CYRIB: variants seen among roughly 807,000 people sequenced by gnomAD.
CYRIB encodes the protein CYFIP-related Rac1 interactor B.
A neutral mutation model predicts 44.2 loss-of-function variants in CYRIB; 8 were observed. That is an observed-to-expected ratio of 0.18 (90% CI 0.11 to 0.33). The LOEUF is 0.33. Among genes scored for constraint, CYRIB ranks in the 10% least tolerant of loss-of-function variants. The pLI is 1.00. For synonymous variants in CYRIB, 131 were observed against 127.2 expected (o/e 1.03, Z -0.20); for missense variants, 185 against 382.8 (o/e 0.48, Z 4.31).
intron 4 of CYRIB, among the ~76,000 whole-genome samples, chr8:129,864,189 T>A (rs710616): frequency 0.55 from 84,386 of 152,152 alleles, 23,817 homozygotes; most frequent in African/African-American, 0.65. Context: ...CTTAAACCCA[T>A]TAGAAGCCTG....
chr8:129,953,810 C>G (rs2094631373), intron 2 of CYRIB, among the ~76,000 whole-genome samples: 1 of 152,118 alleles, frequency 6.6e-6, no homozygotes, highest in South Asian at 2.1e-4. Flanking sequence ...AAGATTGAAC[C>G]CTCGCCCAAA....
intron 2 of CYRIB, among the ~76,000 whole-genome samples, chr8:129,891,099 T>C (rs1048458672): frequency 3.9e-5 from 6 of 152,110 alleles, no homozygotes; most frequent in African/African-American, 1.4e-4. Context: ...AGCAGTGCAT[T>C]ATCTGGCCCC....
At chr8:129,910,913 C>T (rs2077655132) in intron 1 of CYRIB, among the ~76,000 whole-genome samples, 1 of 152,202 alleles carries the variant, frequency 6.6e-6, no homozygotes, top group African/African-American at 2.4e-5. Flanking sequence ...CCTCCTTGGC[C>T]TCCAAAAGCG....
intron 1 of CYRIB, among the ~76,000 whole-genome samples, chr8:129,927,136 A>G (rs114599577): frequency 6.6e-6 from 1 of 151,614 alleles, no homozygotes; most frequent in Non-Finnish European, 1.5e-5. Flanking sequence ...TACACACACA[A>G]AAAAAAATAG....
intron 1 of CYRIB, among the ~76,000 whole-genome samples, chr8:129,914,750 T>C (rs2079835452): frequency 6.6e-6 from 1 of 152,256 alleles, no homozygotes; most frequent in Non-Finnish European, 1.5e-5. Flanking sequence ...CTAAAAATCA[T>C]GAACAACATA....
chr8:129,841,895 T>C (rs2036504416), exon 12 of CYRIB: 3 of 400,440 alleles, frequency 7.5e-6, no homozygotes, highest in Non-Finnish European at 1.3e-5. Flanking sequence ...GAGACCCCAA[T>C]GCAATGCATA....
At chr8:129,866,402 C>G (rs1294259515) in intron 4 of CYRIB, among the ~76,000 whole-genome samples, 1 of 152,046 alleles carries the variant, frequency 6.6e-6, no homozygotes. Context: ...CTCCTATCTT[C>G]TCTATGGGAT....
chr8:129,999,333 C>A (rs142841502), intron 1 of CYRIB, among the ~76,000 whole-genome samples: 6 of 152,198 alleles, frequency 3.9e-5, no homozygotes, highest in Non-Finnish European at 7.3e-5. Context: ...AGGCCCGTCT[C>A]GGGATCCCTG....
At chr8:129,950,450 A>G (rs1307555781) in intron 2 of CYRIB, among the ~76,000 whole-genome samples, 3 of 152,136 alleles carry the variant, frequency 2.0e-5, no homozygotes, top group African/African-American at 4.8e-5. Context: ...TGCACCTGTA[A>G]TCTCAGCTAC....
chr8:130,003,857 T>G (rs72720350), intron 1 of CYRIB, among the ~76,000 whole-genome samples: 7,988 of 152,236 alleles, frequency 0.052, 290 homozygotes, highest in Non-Finnish European at 0.077. Flanking sequence ...CCTCAAGGAC[T>G]ATGGGATCAA....
At chr8:129,917,980 T>C (rs2081588170) in intron 1 of CYRIB, among the ~76,000 whole-genome samples, 1 of 152,214 alleles carries the variant, frequency 6.6e-6, no homozygotes, top group South Asian at 2.1e-4. Context: ...AGTGATTTAA[T>C]AACAAAAAAA....
intron 1 of CYRIB, among the ~76,000 whole-genome samples, chr8:129,991,943 CAAAAAAA>C (rs35897320): frequency 0.049 from 932 of 18,938 alleles, 2 homozygotes; most frequent in Middle Eastern, 0.14. Context: ...AGCAGAGTCG[CAAAAAAA>C]AAAAAAAAAA....
chr8:129,860,603 ATCT>A (rs2048870248), intron 5 of CYRIB, among the ~76,000 whole-genome samples: 1 of 152,220 alleles, frequency 6.6e-6, no homozygotes, highest in Non-Finnish European at 1.5e-5. Context: ...GCTGTACTGC[ATCT>A]AAAGGAAAAA....
chr8:129,898,779 C>T (rs565557163), intron 2 of CYRIB, among the ~76,000 whole-genome samples: 3 of 152,282 alleles, frequency 2.0e-5, no homozygotes, highest in East Asian at 1.9e-4. Context: ...TCTTACAGTG[C>T]TAAAAAGAGT....
intron 1 of CYRIB, among the ~76,000 whole-genome samples, chr8:129,906,830 A>T (rs1373074532): frequency 1.3e-5 from 2 of 152,262 alleles, no homozygotes; most frequent in African/African-American, 4.8e-5. Context: ...ACATTTATGC[A>T]GCCAAGAGAC....
At chr8:129,849,434 A>C (rs1220108921) in intron 9 of CYRIB, 65 bp from the exon 12 acceptor site, 1 of 1,488,562 alleles carries the variant, frequency 6.7e-7, no homozygotes, top group African/African-American at 1.4e-5. Context: ...AAACACACAC[A>C]CACAAGAAAA....
At chr8:129,923,438 C>A (rs1438910651) in intron 1 of CYRIB, among the ~76,000 whole-genome samples, 1 of 151,804 alleles carries the variant, frequency 6.6e-6, no homozygotes, top group Non-Finnish European at 1.5e-5. Flanking sequence ...CCACACCCAG[C>A]TAATTTTTGT....
intron 2 of CYRIB, among the ~76,000 whole-genome samples, chr8:129,892,186 A>G (rs2065723138): frequency 1.3e-5 from 2 of 152,220 alleles, no homozygotes; most frequent in South Asian, 4.1e-4. Flanking sequence ...GACAAAGAGT[A>G]TGAGAAGGGC....
At position 129,903,305 on chromosome 8, in the gene CYRIB, T is replaced by C. The variant is rs984276308; in HGVS notation, c.-11+7A>G. On this transcript the variant is annotated splice_region_variant and intron_variant, in intron 2 of 11. Transcript: ENST00000519824. Reference sequence around the variant, plus strand: ...TGAATAATCATTTCCCCCAAAGACATATTTACCTTCAGCCAGTGCTGGTGA... The same window carrying C: ...TGAATAATCATTTCCCCCAAAGACACATTTACCTTCAGCCAGTGCTGGTGA... The C allele has an allele frequency of 2.6e-5, 4 of 152,580 alleles. No homozygotes were observed. Among genetic ancestry groups the C allele is most frequent in the Non-Finnish European group, 5.9e-5 (4 of 68,034 alleles). 9.5% of individuals were successfully genotyped at this position (152,580 alleles called of 1,614,324 possible). A position where few individuals can be genotyped will look rare whatever the true frequency, so the allele number is the denominator to read the frequency against.
Sources: allele counts gnomAD v4.1 joint callset (sites outside exome capture counted in the v4.1 genomes callset), GRCh38; gene constraint gnomAD v4.1.1; transcripts MANE v1.5; gene names NCBI Gene and HGNC (gene_info 2026-07-23, HGNC 2026-07-21).